Variants in TRPC4 observed in about 807,000 individuals in gnomAD.
TRPC4 encodes transient receptor potential cation channel subfamily C member 4.
In TRPC4, 49 loss-of-function variants were observed where a neutral mutation model predicts 99.4. The observed-to-expected ratio is 0.49, with a 90% CI of 0.39 to 0.63. The LOEUF is 0.63. Ranked by LOEUF, TRPC4 falls within the 20% of genes least tolerant of loss-of-function variation. The probability of loss-of-function intolerance (pLI) is 0.00; values close to 1 mark genes in which losing one functional copy is unlikely to be tolerated. For missense variants in TRPC4, 898 were observed against 1,152.9 expected (o/e 0.78, Z 3.20); for synonymous variants, 454 against 425.9 (o/e 1.07, Z -0.81).
At chr13:37,829,501 C>G (rs927617622) in intron 1 of TRPC4, among the ~76,000 whole-genome samples, 2 of 152,050 alleles carry the variant, frequency 1.3e-5, no homozygotes, top group African/African-American at 2.4e-5. Flanking sequence ...AAGGACGAGG[C>G]GAAATGGGAA....
intron 5 of TRPC4, among the ~76,000 whole-genome samples, chr13:37,667,618 A>G (rs1952690420): frequency 6.6e-6 from 1 of 152,130 alleles, no homozygotes; most frequent in African/African-American, 2.4e-5. Flanking sequence ...CTCCTCCAGA[A>G]TCTTTTAAAG....
chr13:37,718,762 C>A (rs1481034481), intron 3 of TRPC4, among the ~76,000 whole-genome samples: 2 of 151,856 alleles, frequency 1.3e-5, no homozygotes, highest in Non-Finnish European at 2.9e-5. Context: ...TTAAAATAAG[C>A]TAATAGAACC....
At chr13:37,755,598 C>G (rs958186580) in intron 2 of TRPC4, among the ~76,000 whole-genome samples, 7 of 151,786 alleles carry the variant, frequency 4.6e-5, no homozygotes, top group Non-Finnish European at 1.0e-4. Flanking sequence ...GACAGCATCT[C>G]ACTATATTGG....
chr13:37,806,558 T>C (rs147063634), intron 1 of TRPC4, among the ~76,000 whole-genome samples: 4 of 152,150 alleles, frequency 2.6e-5, no homozygotes, highest in African/African-American at 9.6e-5. Context: ...CAACCATATA[T>C]GCTGGGCATG....
intron 3 of TRPC4, among the ~76,000 whole-genome samples, chr13:37,737,262 AATAG>A (rs761366928): frequency 1.6e-4 from 25 of 151,546 alleles, no homozygotes; most frequent in African/African-American, 5.3e-4. Context: ...AGCTGATAAT[AATAG>A]ATAGCCACTC....
intron 1 of TRPC4, among the ~76,000 whole-genome samples, chr13:37,801,429 CTGTT>C (rs1471488098): frequency 6.6e-6 from 1 of 152,034 alleles, no homozygotes; most frequent in Non-Finnish European, 1.5e-5. Flanking sequence ...ATTAAACAAA[CTGTT>C]TAAATTGGGT....
chr13:37,714,053 CTCCT>C (rs1446165965), intron 3 of TRPC4, among the ~76,000 whole-genome samples: 5 of 150,632 alleles, frequency 3.3e-5, no homozygotes, highest in Admixed American at 6.7e-5. Context: ...CCTTCCTTCC[CTCCT>C]TCCTTCCTTC....
chr13:37,858,433 C>G (rs1039232781), intron 1 of TRPC4, among the ~76,000 whole-genome samples: 10 of 151,394 alleles, frequency 6.6e-5, no homozygotes, highest in African/African-American at 2.4e-4. Flanking sequence ...GGTATATACC[C>G]AAAATAAAAC....
intron 4 of TRPC4, among the ~76,000 whole-genome samples, chr13:37,677,996 T>C (rs1213476923): frequency 6.6e-6 from 1 of 152,136 alleles, no homozygotes; most frequent in Non-Finnish European, 1.5e-5. Context: ...CCCAAATATT[T>C]TTCAACTAAA....
chr13:37,800,371 C>A (rs894847510), intron 1 of TRPC4, among the ~76,000 whole-genome samples: 1 of 151,974 alleles, frequency 6.6e-6, no homozygotes, highest in African/African-American at 2.4e-5. Flanking sequence ...ATCTGACTGA[C>A]GGTTTTATTG....
At chr13:37,736,679 A>G (rs1420850550) in intron 3 of TRPC4, among the ~76,000 whole-genome samples, 4 of 152,110 alleles carry the variant, frequency 2.6e-5, no homozygotes, top group Non-Finnish European at 4.4e-5. Context: ...ATATCTTAAT[A>G]TAAATAGTTT....
chr13:37,705,660 CCTT>C (rs1566110158), intron 3 of TRPC4, among the ~76,000 whole-genome samples: 1 of 152,078 alleles, frequency 6.6e-6, no homozygotes, highest in African/African-American at 2.4e-5. Context: ...GAGTTCCTCT[CCTT>C]CTAACCCATG....
chr13:37,820,160 A>G (rs1327443120), intron 1 of TRPC4, among the ~76,000 whole-genome samples: 1 of 152,084 alleles, frequency 6.6e-6, no homozygotes, highest in Admixed American at 6.6e-5. Context: ...AGTCTATTTT[A>G]AACAGCTTTA....
At position 37,644,666 on chromosome 13, in the gene TRPC4, C is replaced by G. The variant is rs1028299123; in HGVS notation, c.2080-5367G>C. ...AGGGTGGATCACGAGGTCAGGAGCT[C>G]AAGACCATCCTGGCTAACACGGTGA... On this transcript the variant is annotated intron_variant, in intron 8 of 10. Transcript: ENST00000379705. Among the ~76,000 whole-genome samples, 3 of 151,896 alleles carry G rather than the reference C, an allele frequency of 2.0e-5. No individual in the cohort carries two copies. The East Asian group carries it at 5.9e-4, about 30-fold the overall frequency.
intron 1 of TRPC4, among the ~76,000 whole-genome samples, chr13:37,840,500 C>A (rs981086620): frequency 6.6e-6 from 1 of 152,002 alleles, no homozygotes; most frequent in African/African-American, 2.4e-5. Context: ...ACCATCCCTT[C>A]TCATCATTCT....
chr13:37,661,343 A>C (rs774298871), intron 6 of TRPC4, among the ~76,000 whole-genome samples: 1 of 152,206 alleles, frequency 6.6e-6, no homozygotes, highest in Non-Finnish European at 1.5e-5. Flanking sequence ...ATAGGGACAA[A>C]GAAATTCCTA....
chr13:37,715,906 C>A (rs578077456), intron 3 of TRPC4, among the ~76,000 whole-genome samples: 3 of 152,272 alleles, frequency 2.0e-5, no homozygotes, highest in African/African-American at 7.2e-5. Flanking sequence ...TCCCTGCCAA[C>A]CTATGACAGA....
intron 1 of TRPC4, among the ~76,000 whole-genome samples, chr13:37,869,259 G>A (rs1960000485): frequency 6.6e-6 from 1 of 151,910 alleles, no homozygotes; most frequent in African/African-American, 2.4e-5. Context: ...GCACCACGGC[G>A]TGGCTGCAGC....
intron 2 of TRPC4, 68 bp downstream of exon 2, chr13:37,782,888 G>T (rs9576352): frequency 1.8e-6 from 1 of 559,174 alleles, no homozygotes; most frequent in African/African-American, 2.8e-5. Flanking sequence ...AAAAAAAAAA[G>T]AAAGAAAAGA....
Sources: allele counts gnomAD v4.1 joint callset (sites outside exome capture counted in the v4.1 genomes callset), GRCh38; gene constraint gnomAD v4.1.1; transcripts MANE v1.5; gene names NCBI Gene and HGNC (gene_info 2026-07-23, HGNC 2026-07-21).